The following CTNND2 variants were observed in gnomAD, a reference collection of about 807,000 sequenced individuals.
CTNND2 encodes catenin delta-2.
In CTNND2, 22 loss-of-function variants were observed where a neutral mutation model predicts 144.4. The observed-to-expected ratio is 0.15, with a 90% confidence interval of 0.11 to 0.22. The LOEUF (loss-of-function observed/expected upper bound fraction) is 0.22. CTNND2 is among the 10% of genes least tolerant of loss of function. CTNND2 has a pLI of 1.00. For missense variants in CTNND2, 1,353 were observed against 1,618.8 expected (o/e 0.84, Z 2.82); for synonymous variants, 751 against 695.6 (o/e 1.08, Z -1.25).
At chr5:11,326,356 G>C (rs1752516883) in intron 9 of CTNND2, among the ~76,000 whole-genome samples, 1 of 152,144 alleles carries the variant, frequency 6.6e-6, no homozygotes, top group South Asian at 2.1e-4. Context: ...GGAGTCAGAG[G>C]CTGGCCTTTA....
At chr5:11,465,093 G>C (rs913818786) in intron 3 of CTNND2, among the ~76,000 whole-genome samples, 2 of 151,694 alleles carry the variant, frequency 1.3e-5, no homozygotes, top group Non-Finnish European at 2.9e-5. Flanking sequence ...ACTGATTTTT[G>C]TCTTTTGGAA....
intron 3 of CTNND2, among the ~76,000 whole-genome samples, chr5:11,455,422 G>A (rs575782163): frequency 3.7e-4 from 56 of 152,290 alleles, no homozygotes; most frequent in African/African-American, 1.1e-3. Flanking sequence ...TCTTTCCATT[G>A]TGGGTGGAAA....
At chr5:11,436,746 T>C (rs367761405) in intron 3 of CTNND2, among the ~76,000 whole-genome samples, 8 of 152,370 alleles carry the variant, frequency 5.3e-5, no homozygotes, top group African/African-American at 1.9e-4. Context: ...AGTTTTAAAA[T>C]GACACAAATG....
chr5:11,539,202 T>C (rs562636625), intron 3 of CTNND2, among the ~76,000 whole-genome samples: 1 of 152,304 alleles, frequency 6.6e-6, no homozygotes, highest in East Asian at 1.9e-4. Flanking sequence ...ATCGTATAAA[T>C]GCCAAGTCAA....
chr5:11,311,552 C>T (rs1361344988), intron 9 of CTNND2, among the ~76,000 whole-genome samples: 5 of 144,342 alleles, frequency 3.5e-5, no homozygotes, highest in African/African-American at 1.0e-4. Flanking sequence ...TCTCACCCCA[C>T]AGGCACTCAC....
chr5:11,207,240 G>C (rs1303301158), intron 10 of CTNND2, among the ~76,000 whole-genome samples: 2 of 152,090 alleles, frequency 1.3e-5, no homozygotes, highest in African/African-American at 4.8e-5. Context: ...CTGTTGGGGG[G>C]TGTGGGGCTT....
chr5:11,629,037 T>G (rs1581632794), intron 2 of CTNND2, among the ~76,000 whole-genome samples: 1 of 152,230 alleles, frequency 6.6e-6, no homozygotes, highest in South Asian at 2.1e-4. Context: ...TAATTGGGAG[T>G]GCTATGAGGC....
intron 1 of CTNND2, among the ~76,000 whole-genome samples, chr5:11,863,697 C>A (rs1795607328): frequency 6.6e-6 from 1 of 152,130 alleles, no homozygotes; most frequent in Admixed American, 6.5e-5. Flanking sequence ...CCACACTTTG[C>A]CTCTTCTATC....
chr5:11,543,570 A>G (rs1774948710), intron 3 of CTNND2, among the ~76,000 whole-genome samples: 1 of 152,160 alleles, frequency 6.6e-6, no homozygotes, highest in Non-Finnish European at 1.5e-5. Flanking sequence ...AGCTACTAAA[A>G]CCACTGAATT....
At chr5:11,813,170 T>C (rs770960085) in intron 1 of CTNND2, among the ~76,000 whole-genome samples, 12 of 152,240 alleles carry the variant, frequency 7.9e-5, no homozygotes, top group African/African-American at 1.2e-4. Flanking sequence ...TGTGTTACAA[T>C]TGCCTACAGT....
intron 16 of CTNND2, among the ~76,000 whole-genome samples, chr5:11,046,833 A>G (rs1482643458): frequency 6.6e-6 from 1 of 151,858 alleles, no homozygotes; most frequent in Non-Finnish European, 1.5e-5. Context: ...TTAAAACAAA[A>G]CAAAACAAAA....
intron 16 of CTNND2, among the ~76,000 whole-genome samples, chr5:11,033,661 T>C (rs1375954029): frequency 6.6e-6 from 1 of 152,072 alleles, no homozygotes; most frequent in East Asian, 1.9e-4. Flanking sequence ...AAACCCTGTC[T>C]CTACTAAAAA....
intron 3 of CTNND2, among the ~76,000 whole-genome samples, chr5:11,499,135 T>C (rs1158191784): frequency 6.6e-6 from 1 of 152,156 alleles, no homozygotes; most frequent in Admixed American, 6.5e-5. Context: ...ATCTCAAGTT[T>C]TGAGGGAATA....
chr5:11,235,940 G>T (rs772684916), intron 10 of CTNND2, among the ~76,000 whole-genome samples: 1 of 152,062 alleles, frequency 6.6e-6, no homozygotes, highest in Admixed American at 6.6e-5. Flanking sequence ...CCATAAAGAT[G>T]ACTCGTTATA....
At chr5:11,337,499 C>T (rs1390665459) in intron 9 of CTNND2, among the ~76,000 whole-genome samples, 1 of 152,194 alleles carries the variant, frequency 6.6e-6, no homozygotes, top group Admixed American at 6.5e-5. Flanking sequence ...AACAATTCCA[C>T]CTGCAAGACC....
intron 8 of CTNND2, among the ~76,000 whole-genome samples, chr5:11,347,369 C>T (rs1484581603): frequency 6.6e-6 from 1 of 152,200 alleles, no homozygotes; most frequent in Non-Finnish European, 1.5e-5. Flanking sequence ...TTTGCATCTT[C>T]TCAATGTGTC....
chr5:11,204,801 G>A (rs1737868021), intron 10 of CTNND2, among the ~76,000 whole-genome samples: 1 of 152,078 alleles, frequency 6.6e-6, no homozygotes, highest in Non-Finnish European at 1.5e-5. Context: ...CTCTCGGGAG[G>A]TATCTGTCTT....
chr5:11,683,115 T>G (rs1392899515), intron 2 of CTNND2, among the ~76,000 whole-genome samples: 1 of 152,256 alleles, frequency 6.6e-6, no homozygotes, highest in Non-Finnish European at 1.5e-5. Flanking sequence ...TGCTAATTTA[T>G]CGTGCACTTC....
intron 8 of CTNND2, among the ~76,000 whole-genome samples, chr5:11,359,263 A>G (rs1756203831): frequency 6.6e-6 from 1 of 152,208 alleles, no homozygotes; most frequent in Non-Finnish European, 1.5e-5. Context: ...CTTAGTTAAA[A>G]TTGTATCTCT....
Sources: allele counts gnomAD v4.1 joint callset (sites outside exome capture counted in the v4.1 genomes callset), GRCh38; gene constraint gnomAD v4.1.1; transcripts MANE v1.5; gene names NCBI Gene and HGNC (gene_info 2026-07-23, HGNC 2026-07-21).